ADGRL3: variants seen among roughly 807,000 people sequenced by gnomAD.
The protein encoded by ADGRL3 is adhesion G protein-coupled receptor L3, also known as calcium-independent alpha-latrotoxin receptor 3.
In ADGRL3, 62 loss-of-function variants were observed where a neutral mutation model predicts 153.5. That is an observed-to-expected ratio of 0.40 (90% CI 0.33 to 0.50). The LOEUF is 0.50. Among genes scored for constraint, ADGRL3 ranks in the 20% least tolerant of loss-of-function variants. ADGRL3 has a pLI of 0.47. For synonymous variants in ADGRL3, 710 were observed against 672.5 expected, an observed-to-expected ratio of 1.06 and a Z score of -0.86; for missense variants, 1,641 against 1,859.4, an observed-to-expected ratio of 0.88 and a Z score of 2.16.
chr4:61,796,954 G>A (rs961062702), intron 8 of ADGRL3, among the ~76,000 whole-genome samples: 3 of 152,132 alleles, frequency 2.0e-5, no homozygotes, highest in African/African-American at 7.2e-5. Flanking sequence ...TGGTAGAATT[G>A]TTTTCCCCTT....
At chr4:61,742,272 C>T (rs1258236072) in intron 8 of ADGRL3, among the ~76,000 whole-genome samples, 1 of 151,838 alleles carries the variant, frequency 6.6e-6, no homozygotes, top group Non-Finnish European at 1.5e-5. Context: ...TCTTACTCTT[C>T]TTCTTCTTAT....
chr4:62,039,878 C>T lies in ADGRL3; in HGVS notation c.3717+2022C>T, dbSNP rs977397333. On this transcript the variant is annotated intron_variant, in intron 24 of 26. Coordinates refer to ENST00000683033, the MANE Select transcript of ADGRL3 (RefSeq NM_001387552.1). ...ATTACTGAGTTCATCAGCTACCATC[C>T]GATAGTCATTTTATTGACATATGTC... Among the ~76,000 whole-genome samples the T allele has an allele frequency of 1.4e-4, 21 of 152,134 alleles. 1 individual carries two copies. The highest frequency in any genetic ancestry group is 3.9e-4 in the African/African-American group (16 of 41,512).
rs2151950069 is a variant in ADGRL3 at position 62,075,370 on chromosome 4, A to G, written c.*4462A>G. The G allele has an allele frequency of 6.6e-6, 1 of 152,168 alleles. No homozygotes were observed. Among genetic ancestry groups the G allele is most frequent in the South Asian group, 2.1e-4 (1 of 4,816 alleles). 9.4% of individuals were successfully genotyped at this position (152,168 alleles called of 1,614,324 possible). On this transcript the variant is annotated 3_prime_UTR_variant, in exon 27 of 27. Coordinates refer to ENST00000683033, the MANE Select transcript of ADGRL3 (RefSeq NM_001387552.1). Reference sequence around the variant, plus strand: ...TTGGCCTGTGATGTATTGCAGAGGGAAAAAAACCAACACTACAGAAGTATA... The same window carrying G: ...TTGGCCTGTGATGTATTGCAGAGGGGAAAAAACCAACACTACAGAAGTATA...
At chr4:61,626,091 C>T (rs2092812906) in intron 5 of ADGRL3, among the ~76,000 whole-genome samples, 1 of 151,512 alleles carries the variant, frequency 6.6e-6, no homozygotes, top group Non-Finnish European at 1.5e-5. Context: ...AATTAGAAAA[C>T]CCCGGATAAA....
intron 6 of ADGRL3, among the ~76,000 whole-genome samples, chr4:61,729,439 A>G (rs1314728153): frequency 6.6e-6 from 1 of 151,966 alleles, no homozygotes; most frequent in Non-Finnish European, 1.5e-5. Context: ...GAGACACTCA[A>G]GCTTAGATCA....
chr4:61,464,512 T>A (rs993335647), intron 2 of ADGRL3, among the ~76,000 whole-genome samples: 1 of 152,200 alleles, frequency 6.6e-6, no homozygotes, highest in Non-Finnish European at 1.5e-5. Context: ...ATTAATTTAC[T>A]CCAGAAATCT....
At chr4:61,398,664 C>G (rs1161228372) in intron 2 of ADGRL3, among the ~76,000 whole-genome samples, 1 of 151,452 alleles carries the variant, frequency 6.6e-6, no homozygotes, top group Non-Finnish European at 1.5e-5. Flanking sequence ...TCCCACTTCA[C>G]TTATGGAACC....
intron 17 of ADGRL3, among the ~76,000 whole-genome samples, 170 bp from the exon 18 acceptor site, chr4:61,979,393 G>A (rs2099059493): frequency 6.6e-6 from 1 of 152,102 alleles, no homozygotes; most frequent in Non-Finnish European, 1.5e-5. Flanking sequence ...AAGACAAAAT[G>A]CTTTATCTGT....
At chr4:61,261,139 C>T (rs778903136) in intron 1 of ADGRL3, among the ~76,000 whole-genome samples, 1 of 151,244 alleles carries the variant, frequency 6.6e-6, no homozygotes, top group Non-Finnish European at 1.5e-5. Flanking sequence ...GCTGGGACTA[C>T]AAGCATCCAA....
At chr4:61,324,227 C>T (rs1253667745) in intron 1 of ADGRL3, among the ~76,000 whole-genome samples, 1 of 152,088 alleles carries the variant, frequency 6.6e-6, no homozygotes, top group Non-Finnish European at 1.5e-5. Context: ...AGAGCCAAAC[C>T]GTATCACCCA....
intron 8 of ADGRL3, among the ~76,000 whole-genome samples, chr4:61,768,315 T>C (rs924987424): frequency 1.3e-5 from 2 of 151,744 alleles, no homozygotes; most frequent in South Asian, 2.1e-4. Flanking sequence ...TGAGGAAGAA[T>C]TGGGGCCTAG....
At chr4:62,027,445 T>A in intron 21 of ADGRL3, among the ~76,000 whole-genome samples, 1 of 152,032 alleles carries the variant, frequency 6.6e-6, no homozygotes, top group East Asian at 1.9e-4. Context: ...AACTGAATTT[T>A]AAACTTAATG....
intron 4 of ADGRL3, among the ~76,000 whole-genome samples, chr4:61,532,558 G>GTGTT (rs2098629037): frequency 6.7e-6 from 1 of 149,874 alleles, no homozygotes; most frequent in African/African-American, 2.5e-5. Context: ...GCGCGCGCGT[G>GTGTT]TGTGTGTGTG....
At chr4:61,748,501 C>T (rs1280709019) in intron 8 of ADGRL3, among the ~76,000 whole-genome samples, 1 of 151,756 alleles carries the variant, frequency 6.6e-6, no homozygotes, top group Admixed American at 6.6e-5. Flanking sequence ...GGTACTGGTA[C>T]CAAAACAGAG....
Position 61,903,650 on chromosome 4 carries a change from C to CAAAAAAAA in ADGRL3, c.1888-5884_1888-5877dup, listed in dbSNP as rs55879235. Among the ~76,000 whole-genome samples the CAAAAAAAA allele has an allele frequency of 7.8e-3, 567 of 72,352 alleles. 28 individuals are homozygous for CAAAAAAAA. Among genetic ancestry groups the CAAAAAAAA allele is most frequent in the East Asian group, 0.02 (33 of 1,682 alleles). The allele number at this position is 72,352 out of a possible 152,430, so 47.5% of individuals were successfully genotyped here. ...TGCTGCACTCCAGCTTGGGAAACAG[C>CAAAAAAAA]AAAAAAAAAAAAAAAAAAAAAAAAA... is the stretch of plus-strand genomic sequence containing the variant. On this transcript the variant is annotated intron_variant, in intron 11 of 26. Coordinates refer to ENST00000683033, the MANE Select transcript of ADGRL3 (RefSeq NM_001387552.1).
chr4:61,676,115 A>G (rs1164187705), intron 5 of ADGRL3, among the ~76,000 whole-genome samples: 1 of 151,760 alleles, frequency 6.6e-6, no homozygotes, highest in East Asian at 1.9e-4. Flanking sequence ...TTTATGTTTT[A>G]TTAGTGGTAT....
intron 11 of ADGRL3, among the ~76,000 whole-genome samples, chr4:61,896,119 T>G (rs2098629979): frequency 6.6e-6 from 1 of 152,146 alleles, no homozygotes; most frequent in Admixed American, 6.6e-5. Context: ...CATTATACAT[T>G]AAGCAAGTAA....
At chr4:61,452,357 C>G in intron 2 of ADGRL3, among the ~76,000 whole-genome samples, 1 of 151,688 alleles carries the variant, frequency 6.6e-6, no homozygotes, top group East Asian at 1.9e-4. Flanking sequence ...GTTCTGCTTC[C>G]CTTTCTTCTT....
At chr4:61,431,349 A>T (rs759402524) in intron 2 of ADGRL3, among the ~76,000 whole-genome samples, 6 of 152,172 alleles carry the variant, frequency 3.9e-5, no homozygotes, top group African/African-American at 1.2e-4. Flanking sequence ...TCCTCCTTGG[A>T]TAGCAGGTGC....
Sources: allele counts gnomAD v4.1 joint callset (sites outside exome capture counted in the v4.1 genomes callset), GRCh38; gene constraint gnomAD v4.1.1; transcripts MANE v1.5; gene names NCBI Gene and HGNC (gene_info 2026-07-23, HGNC 2026-07-21).